MCTP1: variants seen among roughly 807,000 people sequenced by gnomAD.
MCTP1 encodes multiple C2 and transmembrane domain containing 1.
MCTP1 carries 69 observed loss-of-function variants against 120.6 expected under a neutral mutation model. That is an observed-to-expected ratio of 0.57 (90% CI 0.47 to 0.70). The LOEUF is 0.70. Among genes scored for constraint, MCTP1 ranks in the 30% least tolerant of loss-of-function variants. The pLI, the probability that MCTP1 is intolerant of heterozygous loss-of-function variation, is 0.00. For missense variants in MCTP1, 1,203 were observed against 1,248.8 expected, an observed-to-expected ratio of 0.96 and a Z score of 0.55; for synonymous variants, 529 against 493.1, an observed-to-expected ratio of 1.07 and a Z score of -0.96.
chr5:94,918,340 T>C (rs1420456571), intron 7 of MCTP1, among the ~76,000 whole-genome samples: 2 of 152,214 alleles, frequency 1.3e-5, no homozygotes, highest in Non-Finnish European at 2.9e-5. Flanking sequence ...AGTCTGCTGC[T>C]TCAAAATGTC....
At chr5:95,087,490 G>A (rs1029467130) in intron 1 of MCTP1, among the ~76,000 whole-genome samples, 1 of 152,184 alleles carries the variant, frequency 6.6e-6, no homozygotes, top group Non-Finnish European at 1.5e-5. Flanking sequence ...GCTCCAGATG[G>A]TTGACCAGAT....
intron 17 of MCTP1, among the ~76,000 whole-genome samples, chr5:94,822,593 T>C (rs1785933243): frequency 6.6e-6 from 1 of 152,202 alleles, no homozygotes; most frequent in African/African-American, 2.4e-5. Context: ...GATTGCTGGG[T>C]CAGGTGGTAT....
chr5:95,175,791 G>A (rs117638480), intron 1 of MCTP1, among the ~76,000 whole-genome samples: 21 of 152,268 alleles, frequency 1.4e-4, no homozygotes, highest in South Asian at 8.3e-4. Context: ...ACTCACACCT[G>A]CCAGGATGTT....
chr5:94,757,543 C>T (rs867357509), intron 19 of MCTP1, among the ~76,000 whole-genome samples: 8 of 151,968 alleles, frequency 5.3e-5, no homozygotes, highest in African/African-American at 9.7e-5. Flanking sequence ...AGGTTTAGAG[C>T]GAAATATATA....
At chr5:94,793,290 T>C (rs1325148486) in intron 18 of MCTP1, 1 of 152,216 alleles carries the variant, frequency 6.6e-6, no homozygotes, top group African/African-American at 2.4e-5. Context: ...TCACAAGGGA[T>C]AAGCTTTCTA....
At chr5:95,166,669 G>A (rs1475496522) in intron 1 of MCTP1, among the ~76,000 whole-genome samples, 2 of 149,016 alleles carry the variant, frequency 1.3e-5, no homozygotes, top group Admixed American at 1.4e-4. Flanking sequence ...CCGGGTTCAC[G>A]CCATTCTCCT....
At chr5:94,843,876 A>G (rs1791677835) in intron 17 of MCTP1, among the ~76,000 whole-genome samples, 1 of 152,136 alleles carries the variant, frequency 6.6e-6, no homozygotes, top group Non-Finnish European at 1.5e-5. Flanking sequence ...AGGTAGAGAG[A>G]AAGGTTGTGT....
intron 1 of MCTP1, among the ~76,000 whole-genome samples, chr5:95,088,427 G>A (rs1755597998): frequency 6.6e-6 from 1 of 152,218 alleles, no homozygotes; most frequent in Admixed American, 6.5e-5. Flanking sequence ...AAATATGTTT[G>A]TAATCATTGG....
At chr5:94,894,605 T>C in intron 11 of MCTP1, 44 bp downstream of exon 11, 1 of 1,399,332 alleles carries the variant, frequency 7.1e-7, no homozygotes, top group East Asian at 2.4e-5. Flanking sequence ...TACAACCTGA[T>C]CTAGTCACAT....
At chr5:95,282,664 T>A (rs1356947989) in intron 1 of MCTP1, among the ~76,000 whole-genome samples, 1 of 152,226 alleles carries the variant, frequency 6.6e-6, no homozygotes, top group African/African-American at 2.4e-5. Context: ...CTTACTCTTC[T>A]GAGAATAAAA....
chr5:94,901,077 C>T (rs757935535), intron 10 of MCTP1, among the ~76,000 whole-genome samples: 178 of 152,314 alleles, frequency 1.2e-3, no homozygotes, highest in Non-Finnish European at 1.9e-3. Flanking sequence ...TGTTCTGACG[C>T]TGCTAATAAA....
rs548389358 is a variant in MCTP1 at position 95,006,632 on chromosome 5, C to G, written c.838+10735G>C. On this transcript the variant is annotated intron_variant, in intron 2 of 22. Transcript: ENST00000515393. ...TAGCACAAAAACACAACATGACAGG[C>G]CTTTTCTTGATCAAGATAGCTCATT... is the stretch of plus-strand genomic sequence containing the variant. 1.2e-3 allele frequency among the ~76,000 whole-genome samples: 177 copies of G among 152,208 alleles called. 1 individual carries two copies. Among genetic ancestry groups the G allele is most frequent in the South Asian group, 1.7e-3 (8 of 4,820 alleles).
chr5:95,099,538 G>C (rs1479610421), intron 1 of MCTP1, among the ~76,000 whole-genome samples: 1 of 151,212 alleles, frequency 6.6e-6, no homozygotes, highest in Non-Finnish European at 1.5e-5. Context: ...GCCATCACTG[G>C]CCATCAGAGA....
rs1491506227 is a variant in MCTP1, at chr5:94,954,058, A to AT, written c.839-698_839-697insA. The stretch of plus-strand genomic sequence containing the variant: ...CAAATATATATATGCATATATATAC[A>AT]AATATATATGCATATATATACAAAT... On this transcript the variant is annotated intron_variant, in intron 2 of 22. Coordinates refer to ENST00000515393, the MANE Select transcript of MCTP1 (RefSeq NM_024717.7). Among the ~76,000 whole-genome samples, 3 of 83,294 alleles carry AT rather than the reference A, an allele frequency of 3.6e-5. 1 individual carries two copies. Among genetic ancestry groups the AT allele is most frequent in the African/African-American group, 1.8e-4 (3 of 17,138 alleles). The allele number at this position is 83,294 out of a possible 152,430, so 54.6% of individuals were successfully genotyped here. A position where few individuals can be genotyped will look rare whatever the true frequency, so the allele number is the denominator to read the frequency against.
chr5:94,791,101 C>T (rs535368999), intron 18 of MCTP1, among the ~76,000 whole-genome samples: 12 of 131,342 alleles, frequency 9.1e-5, no homozygotes, highest in Admixed American at 1.7e-4. Context: ...GGCGAAATCC[C>T]GTCTCTACTA....
At chr5:94,772,482 C>T (rs1774309878) in intron 19 of MCTP1, among the ~76,000 whole-genome samples, 1 of 152,186 alleles carries the variant, frequency 6.6e-6, no homozygotes, top group Admixed American at 6.5e-5. Context: ...ATCAGACAAA[C>T]CAGGACAATC....
chr5:95,258,671 T>C (rs1582679444), intron 1 of MCTP1, among the ~76,000 whole-genome samples: 1 of 152,236 alleles, frequency 6.6e-6, no homozygotes, highest in East Asian at 1.9e-4. Context: ...ATGGGAACTC[T>C]CTGCCCTATA....
intron 1 of MCTP1, among the ~76,000 whole-genome samples, chr5:95,019,478 C>T (rs1253730645): frequency 2.0e-5 from 3 of 151,890 alleles, no homozygotes; most frequent in Non-Finnish European, 4.4e-5. Flanking sequence ...AATATTTTTT[C>T]CCAGTGTAGG....
chr5:95,230,781 T>C (rs1323379885), intron 1 of MCTP1, among the ~76,000 whole-genome samples: 1 of 152,228 alleles, frequency 6.6e-6, no homozygotes, highest in Non-Finnish European at 1.5e-5. Context: ...TAAACTTCAA[T>C]GAAGTGAATT....
Sources: gnomAD v4.1 joint callset for allele counts (sites outside exome capture counted in the v4.1 genomes callset) on GRCh38, gnomAD v4.1.1 for gene constraint, MANE v1.5 for transcripts, NCBI Gene and HGNC (gene_info 2026-07-23, HGNC 2026-07-21) for gene names.